The following GDPD4 variants were observed in gnomAD, a reference collection of about 807,000 sequenced individuals.
The protein encoded by GDPD4 is glycerophosphodiester phosphodiesterase domain containing 4, also known as glycerophosphodiester phosphodiesterase 6.
A neutral mutation model predicts 67.8 loss-of-function variants in GDPD4; 60 were observed. The observed-to-expected ratio is 0.88, with a 90% CI of 0.72 to 1.10. The LOEUF is 1.10. GDPD4 is among the 50% of genes least tolerant of loss of function. The pLI is 0.00. For synonymous variants in GDPD4, 212 were observed against 210.9 expected, an observed-to-expected ratio of 1.00 and a Z score of -0.04; for missense variants, 623 against 613.9, an observed-to-expected ratio of 1.01 and a Z score of -0.16.
chr11:77,297,555 A>AG (rs59619633), intron 1 of GDPD4, among the ~76,000 whole-genome samples: 1 of 151,682 alleles, frequency 6.6e-6, no homozygotes, highest in African/African-American at 2.4e-5. Context: ...AAAAAAAAAA[A>AG]GTAGATGCTC....
chr11:77,296,967 T>A (rs1175564626), intron 1 of GDPD4, among the ~76,000 whole-genome samples: 1 of 149,354 alleles, frequency 6.7e-6, no homozygotes, highest in African/African-American at 2.5e-5. Context: ...GGCAGAAGAA[T>A]CGCTTGAACC....
At chr11:77,272,781 A>G (rs915091984) in intron 5 of GDPD4, among the ~76,000 whole-genome samples, 16 of 152,070 alleles carry the variant, frequency 1.1e-4, no homozygotes, top group African/African-American at 3.9e-4. Context: ...GCCTCAAAAA[A>G]AAAAAAAAAT....
At chr11:77,297,027 C>T (rs1937991607) in intron 1 of GDPD4, among the ~76,000 whole-genome samples, 2 of 146,310 alleles carry the variant, frequency 1.4e-5, no homozygotes, top group Admixed American at 1.4e-4. Context: ...GCACTCCAGC[C>T]TGGGGGACAG....
chr11:77,259,960 G>A (rs1313732028), intron 10 of GDPD4, among the ~76,000 whole-genome samples: 1 of 152,122 alleles, frequency 6.6e-6, no homozygotes, highest in Non-Finnish European at 1.5e-5. Context: ...TCCATCCAGC[G>A]AGAGAGGAGA....
rs749295040 is a variant in GDPD4 at position 77,279,303 on chromosome 11, C to T, written c.147+3G>A. ...AGTGGAAGAAATGAGAAGCATTACT[C>T]ACCAACAGCAATGAAGAGTAGGCAG... is the stretch of plus-strand genomic sequence containing the variant. On this transcript the variant is annotated splice_donor_region_variant and intron_variant, in intron 4 of 16. Coordinates refer to ENST00000315938, the MANE Select transcript of GDPD4 (RefSeq NM_182833.3). 1.3e-6 allele frequency: 2 copies of T among 1,583,924 alleles called. No homozygotes were observed. Among genetic ancestry groups the T allele is most frequent in the Admixed American group, 3.3e-5 (2 of 59,956 alleles).
At chr11:77,255,887 A>T (rs1057485075) in intron 11 of GDPD4, among the ~76,000 whole-genome samples, 19 of 152,046 alleles carry the variant, frequency 1.2e-4, no homozygotes, top group African/African-American at 4.6e-4. Context: ...AAATAAATAT[A>T]AAAAAAGAAA....
intron 5 of GDPD4, among the ~76,000 whole-genome samples, 195 bp from the exon 6 acceptor site, chr11:77,271,588 C>T (rs1401969498): frequency 1.3e-5 from 2 of 152,194 alleles, no homozygotes. Context: ...CATTCACCTT[C>T]TTTGCTTCTA....
chr11:77,294,468 CAAA>C (rs1937883368), intron 1 of GDPD4, among the ~76,000 whole-genome samples: 1 of 152,010 alleles, frequency 6.6e-6, no homozygotes, highest in Non-Finnish European at 1.5e-5. Flanking sequence ...TGAAAGAAAT[CAAA>C]GAAGACTCAA....
chr11:77,283,377 T>C (rs1328907522), intron 3 of GDPD4, among the ~76,000 whole-genome samples: 1 of 152,186 alleles, frequency 6.6e-6, no homozygotes, highest in East Asian at 1.9e-4. Context: ...CACCACGCTA[T>C]TTTTGCTGTC....
intron 10 of GDPD4, among the ~76,000 whole-genome samples, chr11:77,263,336 GT>G (rs1441357363): frequency 4.6e-5 from 7 of 152,218 alleles, no homozygotes; most frequent in African/African-American, 1.7e-4. Flanking sequence ...GAGATGAAAT[GT>G]TAGTGTACTG....
intron 10 of GDPD4, among the ~76,000 whole-genome samples, chr11:77,265,676 C>A (rs1959174833): frequency 6.6e-6 from 1 of 152,016 alleles, no homozygotes; most frequent in African/African-American, 2.4e-5. Context: ...ATATTTAGTT[C>A]TATATTTAGT....
rs143670668 is a variant in GDPD4, at chr11:77,244,735, T to C, written c.1086+546A>G. ...TTTCCTGCCAACAGAGATGCTATTA[T>C]GACTCATCTATGAAATACTTCCATT... On this transcript the variant is annotated intron_variant, in intron 12 of 16. Transcript: ENST00000315938. 8.7e-4 allele frequency among the ~76,000 whole-genome samples: 132 copies of C among 152,318 alleles called. 2 individuals carry two copies. In the East Asian group the frequency reaches 0.022, roughly 25 times the overall value.
intron 1 of GDPD4, among the ~76,000 whole-genome samples, chr11:77,297,819 C>A (rs1398181095): frequency 6.6e-6 from 1 of 152,110 alleles, no homozygotes; most frequent in Non-Finnish European, 1.5e-5. Flanking sequence ...TTTGAGCACT[C>A]AAATGACCAA....
intron 16 of GDPD4, among the ~76,000 whole-genome samples, chr11:77,227,013 G>A (rs1958352774): frequency 6.6e-6 from 1 of 152,132 alleles, no homozygotes; most frequent in East Asian, 1.9e-4. Context: ...TCATGATTTT[G>A]TGACTGTTCC....
intron 4 of GDPD4, 140 bp downstream of exon 4, chr11:77,279,166 T>G (rs1338232677): frequency 3.6e-6 from 2 of 558,484 alleles, no homozygotes; most frequent in Non-Finnish European, 6.5e-6. Context: ...AACTAGCTAA[T>G]GTAAATCCCA....
chr11:77,300,533 TA>T (rs35584607), intron 1 of GDPD4, among the ~76,000 whole-genome samples: 45,795 of 148,956 alleles, frequency 0.31, 7,006 homozygotes, highest in African/African-American at 0.32. Flanking sequence ...ACACACCTCT[TA>T]AAAAAAAAAC....
intron 11 of GDPD4, among the ~76,000 whole-genome samples, chr11:77,253,774 G>C (rs2135854105): frequency 6.6e-6 from 1 of 152,186 alleles, no homozygotes; most frequent in African/African-American, 2.4e-5. Context: ...TTTTCCTTGA[G>C]AGGGCAGTGC....
chr11:77,253,350 T>C (rs1211391306), intron 11 of GDPD4, among the ~76,000 whole-genome samples: 1 of 152,060 alleles, frequency 6.6e-6, no homozygotes, highest in Non-Finnish European at 1.5e-5. Context: ...GACTCTAAGA[T>C]GGTAGGATTC....
At chr11:77,299,412 C>A (rs1938086787) in intron 1 of GDPD4, among the ~76,000 whole-genome samples, 1 of 152,170 alleles carries the variant, frequency 6.6e-6, no homozygotes, top group Non-Finnish European at 1.5e-5. Flanking sequence ...CCTTCTAACT[C>A]CTCTATTGCA....
Sources: gnomAD v4.1 joint callset for allele counts (sites outside exome capture counted in the v4.1 genomes callset) on GRCh38, gnomAD v4.1.1 for gene constraint, MANE v1.5 for transcripts, NCBI Gene and HGNC (gene_info 2026-07-23, HGNC 2026-07-21) for gene names.